Variants in LDLRAD4 observed in about 807,000 individuals in gnomAD.
The protein encoded by LDLRAD4 is low-density lipoprotein receptor class A domain-containing protein 4.
LDLRAD4 carries 5 observed loss-of-function variants against 17.0 expected under a neutral mutation model. The observed-to-expected ratio is 0.29, with a 90% CI of 0.15 to 0.62. The LOEUF (loss-of-function observed/expected upper bound fraction) is 0.62. Among genes scored for constraint, LDLRAD4 ranks in the 20% least tolerant of loss-of-function variants. The probability of loss-of-function intolerance (pLI) is 0.84; values close to 1 mark genes in which losing one functional copy is unlikely to be tolerated. For synonymous variants in LDLRAD4, 168 were observed against 171.8 expected, an observed-to-expected ratio of 0.98 and a Z score of 0.17; for missense variants, 340 against 424.7, an observed-to-expected ratio of 0.80 and a Z score of 1.75.
At chr18:13,393,748 G>A (rs2086455375) in intron 2 of LDLRAD4, among the ~76,000 whole-genome samples, 1 of 152,152 alleles carries the variant, frequency 6.6e-6, no homozygotes, top group Non-Finnish European at 1.5e-5. Context: ...CATAACAGGA[G>A]TCCAGGCACC....
intron 1 of LDLRAD4, among the ~76,000 whole-genome samples, chr18:13,301,614 G>A (rs912517659): frequency 6.6e-6 from 1 of 152,006 alleles, no homozygotes; most frequent in Non-Finnish European, 1.5e-5. Flanking sequence ...CAAGGGTGGT[G>A]GCACAAAACG....
In LDLRAD4 at chr18:13,406,794, G is replaced by A. The variant is rs376925656; in HGVS notation, c.40+19032G>A. On this transcript the variant is annotated intron_variant, in intron 2 of 5. Coordinates refer to ENST00000359446, the Ensembl canonical transcript of LDLRAD4. ...GGTCCCCTCATGCACCTGCTGAGGG[G>A]CCTCTGCACACTCACGGGAGGAAGC... Among the ~76,000 whole-genome samples the A allele has an allele frequency of 5.3e-5, 8 of 152,276 alleles. No homozygotes were observed. In the South Asian group the frequency reaches 1.0e-3, roughly 20 times the overall value.
At chr18:13,612,663 G>C (rs760640145) in intron 3 of LDLRAD4, 1 of 1,613,592 alleles carries the variant, frequency 6.2e-7, no homozygotes, top group Non-Finnish European at 8.5e-7. Context: ...AACGTGGGGG[G>C]GCTGCGTCAC....
At chr18:13,277,822 G>C (rs1386256362), upstream of LDLRAD4, among the ~76,000 whole-genome samples, 1 of 152,210 alleles carries the variant, frequency 6.6e-6, no homozygotes, top group East Asian at 1.9e-4. Flanking sequence ...CCGTGCCTCT[G>C]CAGGAACAAG....
intron 1 of LDLRAD4, among the ~76,000 whole-genome samples, chr18:13,343,130 C>T (rs1246867789): frequency 2.0e-5 from 3 of 151,970 alleles, no homozygotes; most frequent in East Asian, 1.9e-4. Context: ...ATGTGCACAA[C>T]GTGCAGGTTA....
At chr18:13,548,037 T>G (rs2094389317) in intron 3 of LDLRAD4, among the ~76,000 whole-genome samples, 1 of 152,174 alleles carries the variant, frequency 6.6e-6, no homozygotes, top group Admixed American at 6.5e-5. Flanking sequence ...ATAGTTCTCA[T>G]GAGTCCCGAG....
At chr18:13,586,211 C>A (rs1170593397) in intron 3 of LDLRAD4, among the ~76,000 whole-genome samples, 1 of 151,820 alleles carries the variant, frequency 6.6e-6, no homozygotes, top group Non-Finnish European at 1.5e-5. Context: ...AGTTCTAGAC[C>A]AGCCTGGCCA....
intron 1 of LDLRAD4, among the ~76,000 whole-genome samples, chr18:13,382,896 C>T (rs1225274376): frequency 1.3e-5 from 2 of 152,262 alleles, no homozygotes; most frequent in Admixed American, 6.5e-5. Context: ...GCAGTTCTTG[C>T]GCCTCCATGG....
chr18:13,288,271 A>G (rs2045745917), intron 1 of LDLRAD4, among the ~76,000 whole-genome samples: 1 of 152,238 alleles, frequency 6.6e-6, no homozygotes, highest in African/African-American at 2.4e-5. Flanking sequence ...ATAAAGGAAA[A>G]TGATATCCTT....
intron 1 of LDLRAD4, among the ~76,000 whole-genome samples, chr18:13,371,004 C>T (rs1344972538): frequency 3.3e-5 from 5 of 152,162 alleles, no homozygotes; most frequent in Non-Finnish European, 5.9e-5. Flanking sequence ...CCACCACACC[C>T]GGCCCCCTTC....
chr18:13,380,684 A>G (rs976660918), intron 1 of LDLRAD4, among the ~76,000 whole-genome samples: 1 of 152,232 alleles, frequency 6.6e-6, no homozygotes, highest in Admixed American at 6.5e-5. Flanking sequence ...TCAAGGTGAC[A>G]TTTTAAAGAA....
chr18:13,357,781 C>G (rs987244536), intron 1 of LDLRAD4, among the ~76,000 whole-genome samples: 2 of 152,164 alleles, frequency 1.3e-5, no homozygotes, highest in Non-Finnish European at 2.9e-5. Flanking sequence ...TTCCCTTCAT[C>G]TACCATTTGG....
chr18:13,523,216 C>T (rs773751669), intron 3 of LDLRAD4, among the ~76,000 whole-genome samples: 2 of 152,166 alleles, frequency 1.3e-5, no homozygotes, highest in Non-Finnish European at 2.9e-5. Context: ...AATTCAGTGA[C>T]CTAGGTGAAG....
intron 2 of LDLRAD4, among the ~76,000 whole-genome samples, chr18:13,422,515 A>G (rs1426934621): frequency 4.7e-5 from 7 of 149,982 alleles, no homozygotes; most frequent in Non-Finnish European, 8.9e-5. Context: ...TAGGTAACAT[A>G]TTGAGACCCC....
chr18:13,585,388 A>G (rs2094920159), intron 3 of LDLRAD4: 1 of 152,120 alleles, frequency 6.6e-6, no homozygotes. Context: ...AGCCATTAAT[A>G]TTGAGGTGAA....
intron 3 of LDLRAD4, among the ~76,000 whole-genome samples, chr18:13,457,196 A>G (rs1052100331): frequency 6.6e-6 from 1 of 151,900 alleles, no homozygotes; most frequent in African/African-American, 2.4e-5. Context: ...GGTTCTCACA[A>G]CCCCCTTGCT....
chr18:13,579,010 G>A (rs2094818903), intron 3 of LDLRAD4, among the ~76,000 whole-genome samples: 1 of 151,470 alleles, frequency 6.6e-6, no homozygotes, highest in Non-Finnish European at 1.5e-5. Flanking sequence ...CTAACACGGT[G>A]AAACCCCGTC....
At chr18:13,372,755 A>G (rs1280573385) in intron 1 of LDLRAD4, among the ~76,000 whole-genome samples, 2 of 152,296 alleles carry the variant, frequency 1.3e-5, no homozygotes, top group African/African-American at 2.4e-5. Flanking sequence ...TTCATGCTCC[A>G]TGTCCTGGGC....
At chr18:13,590,179 C>T (rs983626093) in intron 3 of LDLRAD4, among the ~76,000 whole-genome samples, 7 of 148,902 alleles carry the variant, frequency 4.7e-5, no homozygotes, top group African/African-American at 1.3e-4. Context: ...ATATGGAGTA[C>T]GGGGGAAGGA....
Sources: allele counts gnomAD v4.1 joint callset (sites outside exome capture counted in the v4.1 genomes callset), GRCh38; gene constraint gnomAD v4.1.1; transcripts MANE v1.5; gene names NCBI Gene and HGNC (gene_info 2026-07-23, HGNC 2026-07-21).